The following KIRREL3 variants were observed in gnomAD, a reference collection of about 807,000 sequenced individuals.
KIRREL3 encodes kin of IRRE-like protein 3.
Under a neutral mutation model 89.7 loss-of-function variants are expected in KIRREL3, and 36 were observed. That is an observed-to-expected ratio of 0.40 (90% CI 0.31 to 0.53). KIRREL3 has a LOEUF of 0.53. Ranked by LOEUF, KIRREL3 falls within the 20% of genes least tolerant of loss-of-function variation. KIRREL3 has a pLI of 0.49. For synonymous variants in KIRREL3, 445 were observed against 441.4 expected (o/e 1.01, Z -0.10); for missense variants, 864 against 1,056.6 (o/e 0.82, Z 2.53).
intron 1 of KIRREL3, among the ~76,000 whole-genome samples, chr11:126,712,404 C>T (rs927422464): frequency 6.6e-6 from 1 of 152,172 alleles, no homozygotes; most frequent in Non-Finnish European, 1.5e-5. Context: ...GCCCTCTGCC[C>T]CGTTGGTGCT....
In KIRREL3 at chr11:126,476,747, T is replaced by C. The variant is rs1237619324; in HGVS notation, c.434-3281A>G. 6.6e-6 allele frequency among the ~76,000 whole-genome samples: 1 copy of C among 152,022 alleles called. No homozygotes were observed. Among genetic ancestry groups the C allele is most frequent in the Admixed American group, 6.5e-5 (1 of 15,272 alleles). ...GAAATCAGCAGTCGCTCTTGGCAGC[T>C]GTGTCTGGCGTGGAAGGGGGCTCCT... On this transcript the variant is annotated intron_variant, in intron 4 of 16. Coordinates refer to ENST00000525144, the MANE Select transcript of KIRREL3 (RefSeq NM_032531.4). The surrounding 1 kb of genome is among the most constrained non-coding windows in gnomAD (Gnocchi z 6.4).
chr11:126,798,072 C>A (rs1950869069), intron 1 of KIRREL3, among the ~76,000 whole-genome samples: 1 of 152,126 alleles, frequency 6.6e-6, no homozygotes, highest in Non-Finnish European at 1.5e-5. Flanking sequence ...AGTGATGGCT[C>A]ATTGCACCCA....
intron 4 of KIRREL3, among the ~76,000 whole-genome samples, chr11:126,479,961 TTCTG>T (rs1267905609): frequency 5.9e-5 from 9 of 152,192 alleles, no homozygotes; most frequent in Non-Finnish European, 1.3e-4. Flanking sequence ...TGTATAGGGC[TTCTG>T]TCTATGATCC....
In KIRREL3 at chr11:126,610,231, C is replaced by T. The variant is rs999782461; in HGVS notation, c.56-47319G>A. 6.6e-6 allele frequency among the ~76,000 whole-genome samples: 1 copy of T among 152,084 alleles called. No individual in the cohort carries two copies. Among genetic ancestry groups the T allele is most frequent in the Non-Finnish European group, 1.5e-5 (1 of 68,032 alleles). On this transcript the variant is annotated intron_variant, in intron 1 of 16. Coordinates refer to ENST00000525144, the MANE Select transcript of KIRREL3 (RefSeq NM_032531.4). The surrounding 1 kb of genome is among the most constrained non-coding windows in gnomAD (Gnocchi z 4.6). ...TCAGCCTGCCGAGTGGCTGGGATTA[C>T]AGGCATGCACCACCACGCCTGGCTA...
Position 126,498,115 on chromosome 11 carries a change from T to A in KIRREL3, c.433+23200A>T, listed in dbSNP as rs61536457. ...ACAGCCAGTAAGCCTGCTTAGTAGC[T>A]CTACTGCATCACACTGGTCTGGACC... On this transcript the variant is annotated intron_variant, in intron 4 of 16. Coordinates refer to ENST00000525144, the MANE Select transcript of KIRREL3 (RefSeq NM_032531.4). This position sits in a 1 kb window ranked among gnomAD's most constrained non-coding sequence, Gnocchi z 4.3. 1.3e-5 allele frequency among the ~76,000 whole-genome samples: 2 copies of A among 151,978 alleles called. No individual in the cohort carries two copies. The highest frequency in any genetic ancestry group is 4.8e-5 in the African/African-American group (2 of 41,376).
At chr11:126,510,360 C>T (rs1375316857) in intron 4 of KIRREL3, among the ~76,000 whole-genome samples, 2 of 152,136 alleles carry the variant, frequency 1.3e-5, no homozygotes, top group East Asian at 1.9e-4. Context: ...AGGAAGCTTA[C>T]TACTTAACTG....
In KIRREL3 at chr11:126,456,414, C is replaced by G. The variant is rs749985187; in HGVS notation, c.783G>C (p.Val261=). The change falls in exon 7 of 17, where the codon GTG becomes GTC. Residue 261 remains valine, a synonymous_variant. Coordinates refer to ENST00000525144, the MANE Select transcript of KIRREL3 (RefSeq NM_032531.4). Reference sequence around the variant, plus strand: ...GGAAAGTGACGACGTTGTCCTCCAGCACTGGCTGTGGCTCCACCGAGAGGT... The same window carrying G: ...GGAAAGTGACGACGTTGTCCTCCAGGACTGGCTGTGGCTCCACCGAGAGGT... ...LVNLSVEPQP[V]LEDNVVTFHC... is the part of the protein sequence containing the mutation. The G allele has an allele frequency of 6.4e-7, 1 of 1,568,964 alleles. No individual in the cohort carries two copies. Among genetic ancestry groups the G allele is most frequent in the Non-Finnish European group, 8.6e-7 (1 of 1,158,440 alleles).
intron 7 of KIRREL3, 37 bp from the exon 8 acceptor site, chr11:126,449,194 T>C (rs1194189847): frequency 6.2e-7 from 1 of 1,607,426 alleles, no homozygotes; most frequent in Non-Finnish European, 8.5e-7. Context: ...GGGCCTTGAG[T>C]GGCAAGGCCA....
chr11:126,992,649 C>T (rs534559358), intron 1 of KIRREL3: 1 of 152,284 alleles, frequency 6.6e-6, no homozygotes, highest in Non-Finnish European at 1.5e-5. Flanking sequence ...CTTGGTTTCC[C>T]TAAAGCCAGT....
intron 1 of KIRREL3, among the ~76,000 whole-genome samples, chr11:126,786,679 G>A (rs1419483649): frequency 1.3e-5 from 2 of 152,200 alleles, no homozygotes; most frequent in African/African-American, 2.4e-5. Context: ...GAGGAAAACA[G>A]GCCAACTCTA....
At chr11:126,914,082 C>T (rs1031563163) in intron 1 of KIRREL3, among the ~76,000 whole-genome samples, 2 of 152,202 alleles carry the variant, frequency 1.3e-5, no homozygotes, top group Non-Finnish European at 1.5e-5. Context: ...GAATGTGATG[C>T]CACATGTGAG....
chr11:126,566,513 G>A lies in KIRREL3; in HGVS notation c.56-3601C>T, dbSNP rs1367496715. ...GACTGTGAAGGGTTCCTTCTGACTC[G>A]GGTCAGAATGAAAATAAGTGGGCTT... On this transcript the variant is annotated intron_variant, in intron 1 of 16. Transcript: ENST00000525144. The surrounding 1 kb of genome is among the most constrained non-coding windows in gnomAD (Gnocchi z 4.9). 2.0e-5 allele frequency among the ~76,000 whole-genome samples: 3 copies of A among 152,158 alleles called. No homozygotes were observed. The highest frequency in any genetic ancestry group is 7.2e-5 in the African/African-American group (3 of 41,440).
chr11:126,684,662 G>A lies in KIRREL3; in HGVS notation c.56-121750C>T, dbSNP rs1232006646. Among the ~76,000 whole-genome samples, 2 of 152,212 alleles carry A rather than the reference G, an allele frequency of 1.3e-5. No individual in the cohort carries two copies. Among genetic ancestry groups the A allele is most frequent in the African/African-American group, 2.4e-5 (1 of 41,460 alleles). On this transcript the variant is annotated intron_variant, in intron 1 of 16. Transcript: ENST00000525144. This position sits in a 1 kb window ranked among gnomAD's most constrained non-coding sequence, Gnocchi z 4.2. ...TTCTTTGGGCCAGTCTCCTTTGTCT[G>A]CACTTGCTGAGAAGGCATTTATGAT... is the stretch of plus-strand genomic sequence containing the variant.
intron 1 of KIRREL3, among the ~76,000 whole-genome samples, chr11:126,706,915 AT>A (rs541563139): frequency 7.0e-4 from 103 of 147,456 alleles, no homozygotes; most frequent in African/African-American, 2.4e-3. Context: ...TGTGCTATAC[AT>A]TTTTTTCCAC....
In KIRREL3 at chr11:126,752,246, C is replaced by T. The variant is rs934741386; in HGVS notation, c.56-189334G>A. Reference sequence around the variant, plus strand: ...GAAGCATTGTAGCTCCCATTATTCTCTTAAACCAATAGTTGTCTATGGGTC... The same window carrying T: ...GAAGCATTGTAGCTCCCATTATTCTTTTAAACCAATAGTTGTCTATGGGTC... On this transcript the variant is annotated intron_variant, in intron 1 of 16. Transcript: ENST00000525144. This position sits in a 1 kb window ranked among gnomAD's most constrained non-coding sequence, Gnocchi z 4.8. Among the ~76,000 whole-genome samples, 2 of 152,128 alleles carry T rather than the reference C, an allele frequency of 1.3e-5. No homozygotes were observed. Among genetic ancestry groups the T allele is most frequent in the Non-Finnish European group, 2.9e-5 (2 of 68,012 alleles).
rs1447332703 is a variant in KIRREL3 at position 126,624,698 on chromosome 11, T to C, written c.56-61786A>G. On this transcript the variant is annotated intron_variant, in intron 1 of 16. Coordinates refer to ENST00000525144, the MANE Select transcript of KIRREL3 (RefSeq NM_032531.4). This position sits in a 1 kb window ranked among gnomAD's most constrained non-coding sequence, Gnocchi z 6.0. ...CCATGGATGTTAATGGAGACAAATA[T>C]TGTGGCTGTGATTTTTCAAAGGGCT... Among the ~76,000 whole-genome samples the C allele has an allele frequency of 6.6e-6, 1 of 152,144 alleles. No homozygotes were observed. Among genetic ancestry groups the C allele is most frequent in the African/African-American group, 2.4e-5 (1 of 41,434 alleles).
At chr11:126,629,505 A>T (rs1591839726) in intron 1 of KIRREL3, among the ~76,000 whole-genome samples, 1 of 151,984 alleles carries the variant, frequency 6.6e-6, no homozygotes, top group African/African-American at 2.4e-5. Flanking sequence ...GCTGTGAGGG[A>T]CTTTGCACTG....
intron 13 of KIRREL3, among the ~76,000 whole-genome samples, chr11:126,434,800 G>A (rs1955256154): frequency 6.6e-6 from 1 of 152,204 alleles, no homozygotes; most frequent in African/African-American, 2.4e-5. Context: ...GTGGCAAACA[G>A]CAAGCATGGA....
At position 126,876,904 on chromosome 11, in the gene KIRREL3, C is replaced by A. The variant is rs866971302; in HGVS notation, c.55+123551G>T. ...GAGCCAAAATTTTCACAATTGATAA[C>A]CCTTACAGTAGATTGCAGAAACCTA... On this transcript the variant is annotated intron_variant, in intron 1 of 16. Coordinates refer to ENST00000525144, the MANE Select transcript of KIRREL3 (RefSeq NM_032531.4). The surrounding 1 kb of genome is among the most constrained non-coding windows in gnomAD (Gnocchi z 4.1). Among the ~76,000 whole-genome samples the A allele has an allele frequency of 6.6e-6, 1 of 152,128 alleles. No homozygotes were observed. The highest frequency in any genetic ancestry group is 2.4e-5 in the African/African-American group (1 of 41,410).
Sources: gnomAD v4.1 joint callset for allele counts (sites outside exome capture counted in the v4.1 genomes callset) on GRCh38, gnomAD v4.1.1 for gene constraint, Gnocchi (gnomAD v3.1) non-coding constraint, MANE v1.5 for transcripts, NCBI Gene and HGNC (gene_info 2026-07-23, HGNC 2026-07-21) for gene names.